WWTR1: variants seen among roughly 807,000 people sequenced by gnomAD.
The protein encoded by WWTR1 is WW domain containing transcription regulator 1.
A neutral mutation model predicts 40.1 loss-of-function variants in WWTR1; 13 were observed. That is an observed-to-expected ratio of 0.32 (90% CI 0.21 to 0.52). The LOEUF is 0.52. Ranked by LOEUF, WWTR1 falls within the 20% of genes least tolerant of loss-of-function variation. The pLI is 0.97. For missense variants in WWTR1, 436 were observed against 523.1 expected, an observed-to-expected ratio of 0.83 and a Z score of 1.63; for synonymous variants, 230 against 210.1, an observed-to-expected ratio of 1.09 and a Z score of -0.82.
At chr3:149,709,901 T>A (rs929643653) in intron 5 of WWTR1, among the ~76,000 whole-genome samples, 4 of 151,980 alleles carry the variant, frequency 2.6e-5, no homozygotes, top group South Asian at 2.1e-4. Flanking sequence ...CGAAACTCTA[T>A]CTCAAAAAAG....
intron 3 of WWTR1, among the ~76,000 whole-genome samples, chr3:149,565,952 TCTC>T (rs1026073734): frequency 4.3e-5 from 6 of 138,994 alleles, no homozygotes; most frequent in Non-Finnish European, 9.3e-5. Context: ...AAAAAAAGAA[TCTC>T]CTCTTCGAAA....
At chr3:149,673,666 G>C (rs1385592409) in intron 1 of WWTR1, among the ~76,000 whole-genome samples, 1 of 152,110 alleles carries the variant, frequency 6.6e-6, no homozygotes, top group African/African-American at 2.4e-5. Context: ...TTGAAAATAA[G>C]TGAAAACAAA....
At chr3:149,522,723 C>G (rs1314797075) in intron 6 of WWTR1, among the ~76,000 whole-genome samples, 1 of 151,886 alleles carries the variant, frequency 6.6e-6, no homozygotes, top group African/African-American at 2.4e-5. Context: ...TAATTTTTAG[C>G]CAAGCAAAAT....
chr3:149,528,777 C>CA (rs905146436), intron 4 of WWTR1, among the ~76,000 whole-genome samples: 5 of 151,656 alleles, frequency 3.3e-5, no homozygotes, highest in African/African-American at 4.8e-5. Flanking sequence ...TCAAAAAAAA[C>CA]AAAAAAACAA....
At chr3:149,575,825 C>T (rs1737852200) in intron 2 of WWTR1, among the ~76,000 whole-genome samples, 1 of 152,110 alleles carries the variant, frequency 6.6e-6, no homozygotes. Context: ...GCACAGCTTG[C>T]CAGCCTAAAT....
intron 1 of WWTR1, among the ~76,000 whole-genome samples, chr3:149,680,716 C>T (rs1030806684): frequency 1.6e-4 from 24 of 151,962 alleles, no homozygotes; most frequent in African/African-American, 5.8e-4. Context: ...ATGCCATGCA[C>T]CTGTAGTCCC....
chr3:149,622,776 G>C (rs1325634284), intron 2 of WWTR1, among the ~76,000 whole-genome samples: 1 of 152,176 alleles, frequency 6.6e-6, no homozygotes, highest in African/African-American at 2.4e-5. Flanking sequence ...TGTAGTCCCA[G>C]CTACTCGGGA....
At chr3:149,690,362 A>G (rs769963148) in intron 1 of WWTR1, among the ~76,000 whole-genome samples, 44 of 152,288 alleles carry the variant, frequency 2.9e-4, no homozygotes, top group African/African-American at 9.4e-4. Context: ...ATTATCTGTT[A>G]CCTACACAAA....
At position 149,520,728 on chromosome 3, in the gene WWTR1, T is replaced by C; in HGVS notation, c.*77A>G. ...GCGGGAAGTGGTGCACCTGCAGACTTGCTCTGCTCCATCACTTTTTCCAAG... is the reference window on the plus strand; with the variant it reads ...GCGGGAAGTGGTGCACCTGCAGACTCGCTCTGCTCCATCACTTTTTCCAAG... On this transcript the variant is annotated 3_prime_UTR_variant, in exon 7 of 7. Transcript: ENST00000360632. 1 of 1,364,062 alleles carries C rather than the reference T, an allele frequency of 7.3e-7. No individual in the cohort carries two copies. The highest frequency in any genetic ancestry group is 1.5e-5 in the African/African-American group (1 of 67,012). The allele number at this position is 1,364,062 out of a possible 1,614,324, so 84.5% of individuals were successfully genotyped here.
chr3:149,554,572 C>T (rs981042185), intron 3 of WWTR1, among the ~76,000 whole-genome samples: 3 of 152,070 alleles, frequency 2.0e-5, no homozygotes, highest in African/African-American at 7.2e-5. Context: ...CTGCATTACC[C>T]CAAATGTATA....
intron 2 of WWTR1, among the ~76,000 whole-genome samples, chr3:149,638,014 A>C (rs1426206889): frequency 6.6e-6 from 1 of 152,098 alleles, no homozygotes; most frequent in East Asian, 1.9e-4. Context: ...TCAGGAGTTC[A>C]AGACCAGCCT....
At chr3:149,580,404 T>C (rs1483831187) in intron 2 of WWTR1, among the ~76,000 whole-genome samples, 1 of 152,008 alleles carries the variant, frequency 6.6e-6, no homozygotes, top group Non-Finnish European at 1.5e-5. Flanking sequence ...AAAACCACAA[T>C]GCAATGGGAG....
chr3:149,686,505 G>A (rs78022165), intron 1 of WWTR1, among the ~76,000 whole-genome samples: 3,222 of 152,014 alleles, frequency 0.021, 65 homozygotes, highest in South Asian at 0.092. Context: ...ACTCCAGCCT[G>A]GGCAATACAT....
intron 2 of WWTR1, among the ~76,000 whole-genome samples, chr3:149,619,145 T>C (rs79374653): frequency 0.027 from 4,115 of 152,016 alleles, 155 homozygotes; most frequent in African/African-American, 0.094. Context: ...CTCTTGGAGG[T>C]TGTACCATTT....
chr3:149,569,890 G>T (rs187925568), intron 3 of WWTR1, among the ~76,000 whole-genome samples: 2 of 152,144 alleles, frequency 1.3e-5, no homozygotes, highest in Admixed American at 1.3e-4. Context: ...GCCCAGGCTG[G>T]CCTCAAACTC....
intron 2 of WWTR1, among the ~76,000 whole-genome samples, chr3:149,624,300 A>G (rs1740450088): frequency 6.6e-6 from 1 of 152,180 alleles, no homozygotes; most frequent in Non-Finnish European, 1.5e-5. Flanking sequence ...ATTCCTGCCA[A>G]TGGAGAAGGC....
chr3:149,654,417 C>A (rs1318820150), intron 2 of WWTR1, among the ~76,000 whole-genome samples: 1 of 152,230 alleles, frequency 6.6e-6, no homozygotes, highest in East Asian at 1.9e-4. Flanking sequence ...AGTCACTTGG[C>A]CAAAATACTT....
In WWTR1 at chr3:149,601,410, C is replaced by T. The variant is rs946547531; in HGVS notation, c.432-28410G>A. ...AGGGGGCTTCACTGTGTTGGCCAGG[C>T]TGGTCTGGAACTCCTAACCTCAAGT... On this transcript the variant is annotated intron_variant, in intron 2 of 6. Transcript: ENST00000360632. Among the ~76,000 whole-genome samples the T allele has an allele frequency of 7.9e-5, 12 of 152,254 alleles. No individual in the cohort carries two copies. The East Asian group carries it at 2.1e-3, about 27-fold the overall frequency.
At chr3:149,683,104 G>C (rs1214648678) in intron 1 of WWTR1, among the ~76,000 whole-genome samples, 4 of 152,196 alleles carry the variant, frequency 2.6e-5, no homozygotes, top group African/African-American at 9.6e-5. Context: ...CTTCTGCAAA[G>C]AGTGCGACTG....
Sources: allele counts gnomAD v4.1 joint callset (sites outside exome capture counted in the v4.1 genomes callset), GRCh38; gene constraint gnomAD v4.1.1; transcripts MANE v1.5; gene names NCBI Gene and HGNC (gene_info 2026-07-23, HGNC 2026-07-21).